NDUFV2: variants seen among roughly 807,000 people sequenced by gnomAD.
NDUFV2 encodes the protein NADH dehydrogenase [ubiquinone] flavoprotein 2, mitochondrial.
Under a neutral mutation model 31.6 loss-of-function variants are expected in NDUFV2, and 18 were observed. That is an observed-to-expected ratio of 0.57 (90% CI 0.39 to 0.84). The LOEUF (loss-of-function observed/expected upper bound fraction) is 0.84. NDUFV2 is among the 40% of genes least tolerant of loss of function. NDUFV2 has a pLI of 0.00. For synonymous variants in NDUFV2, 83 were observed against 99.8 expected, an observed-to-expected ratio of 0.83 and a Z score of 1.01; for missense variants, 314 against 303.6, an observed-to-expected ratio of 1.03 and a Z score of -0.26.
rs768223661 is a variant in NDUFV2 at position 9,122,626 on chromosome 18, A to C, written c.414A>C (p.Thr138=). 6.2e-7 allele frequency: 1 copy of C among 1,613,990 alleles called. No homozygotes were observed. ...GKYHIQVCTT[T]PCMLRNSDSI... is the part of the protein sequence containing the mutation. ...ATCACATTCAGGTCTGCACTACTAC[A>C]CCCTGCATGCTTCGAAACTCTGACA... Residue 138 remains threonine, a synonymous_variant, in exon 5 of 8, where the codon ACA becomes ACC. Transcript: ENST00000318388.
Position 9,109,546 on chromosome 18 carries a change from C to T in NDUFV2, c.54+6749C>T, listed in dbSNP as rs7228328. Among the ~76,000 whole-genome samples the T allele has an allele frequency of 6.3e-3, 953 of 152,274 alleles. 10 individuals are homozygous for T. The highest frequency in any genetic ancestry group is 0.022 in the African/African-American group (894 of 41,544). On this transcript the variant is annotated intron_variant, in intron 1 of 7. Coordinates refer to ENST00000318388, the MANE Select transcript of NDUFV2 (RefSeq NM_021074.5). Reference sequence around the variant, plus strand: ...CCCATGAAAAGACAATTAAGGAATCCTATTGGGGAGAATATAAAACTTTAA... The same window carrying T: ...CCCATGAAAAGACAATTAAGGAATCTTATTGGGGAGAATATAAAACTTTAA...
Position 9,126,814 on chromosome 18 carries a change from G to A in NDUFV2, c.580-17G>A. Reference sequence around the variant, plus strand: ...AGAAAGTAATTTAAATATGACTATTGTTAATTTTTTTTCCAGGAGGATTTG... The same window carrying A: ...AGAAAGTAATTTAAATATGACTATTATTAATTTTTTTTCCAGGAGGATTTG... On this transcript the variant is annotated splice_polypyrimidine_tract_variant and intron_variant, in intron 6 of 7. Coordinates refer to ENST00000318388, the MANE Select transcript of NDUFV2 (RefSeq NM_021074.5). 1 of 1,592,300 alleles carries A rather than the reference G, an allele frequency of 6.3e-7. No homozygotes were observed. Among genetic ancestry groups the A allele is most frequent in the East Asian group, 2.2e-5 (1 of 44,724 alleles).
chr18:9,132,951 G>A (rs1329414266), intron 7 of NDUFV2, among the ~76,000 whole-genome samples: 1 of 152,104 alleles, frequency 6.6e-6, no homozygotes, highest in African/African-American at 2.4e-5. Context: ...TCATTTTGCT[G>A]CTTACTCTAC....
intron 1 of NDUFV2, chr18:9,103,009 A>G (rs1156750857): frequency 3.9e-6 from 2 of 515,486 alleles, no homozygotes; most frequent in Non-Finnish European, 3.4e-6. Context: ...GTGTACTCCT[A>G]GTTTGGTCGA....
At chr18:9,118,795 C>T (rs1018521225) in intron 2 of NDUFV2, among the ~76,000 whole-genome samples, 2 of 136,124 alleles carry the variant, frequency 1.5e-5, no homozygotes, top group East Asian at 2.3e-4. Context: ...TTATGGAAAA[C>T]GTGGGAAAGA....
At chr18:9,130,292 T>G (rs1012409310) in intron 7 of NDUFV2, among the ~76,000 whole-genome samples, 1 of 152,208 alleles carries the variant, frequency 6.6e-6, no homozygotes, top group Non-Finnish European at 1.5e-5. Context: ...AAGTACTCAG[T>G]TAAGCATTTT....
chr18:9,132,764 A>G (rs1423114948), intron 7 of NDUFV2, among the ~76,000 whole-genome samples: 2 of 152,218 alleles, frequency 1.3e-5, no homozygotes, highest in Non-Finnish European at 1.5e-5. Flanking sequence ...AGTCCCAGCT[A>G]CGTGGGAGGC....
chr18:9,104,368 TGTTTTG>T, intron 1 of NDUFV2: 1 of 1,420,384 alleles, frequency 7.0e-7, no homozygotes. Flanking sequence ...ATGTGGTTTC[TGTTTTG>T]GATAGGTCAC....
chr18:9,129,085 G>A (rs147912888), intron 7 of NDUFV2, among the ~76,000 whole-genome samples: 2 of 152,064 alleles, frequency 1.3e-5, no homozygotes, highest in Non-Finnish European at 1.5e-5. Flanking sequence ...CTATAAGAAC[G>A]TGCCACCACC....
chr18:9,127,761 T>G (rs1453395167), intron 7 of NDUFV2, among the ~76,000 whole-genome samples: 1 of 152,202 alleles, frequency 6.6e-6, no homozygotes, highest in Admixed American at 6.5e-5. Context: ...CATGAGCCAC[T>G]GTGCCCGGCC....
chr18:9,110,358 A>G (rs1299243524), intron 1 of NDUFV2, among the ~76,000 whole-genome samples: 1 of 152,142 alleles, frequency 6.6e-6, no homozygotes, highest in Non-Finnish European at 1.5e-5. Flanking sequence ...ATATTCTTTA[A>G]ACACACCAAA....
chr18:9,107,340 C>G lies in NDUFV2; in HGVS notation c.54+4543C>G, dbSNP rs2077846975. ...GAACATTGAGTAATAAATTACAGGT[C>G]TGTTGCCCATGCTGTATAACCTATT... On this transcript the variant is annotated intron_variant, in intron 1 of 7. Coordinates refer to ENST00000318388, the MANE Select transcript of NDUFV2 (RefSeq NM_021074.5). Among the ~76,000 whole-genome samples the G allele has an allele frequency of 2.6e-5, 4 of 152,340 alleles. 1 individual carries two copies. The South Asian group carries it at 8.3e-4, about 32-fold the overall frequency.
intron 1 of NDUFV2, among the ~76,000 whole-genome samples, chr18:9,114,690 A>G (rs1034277524): frequency 1.4e-4 from 22 of 152,196 alleles, no homozygotes; most frequent in African/African-American, 5.1e-4. Flanking sequence ...GGCCTCAACA[A>G]CTACAAAAAA....
intron 7 of NDUFV2, chr18:9,133,614 C>G (rs1287235966): frequency 6.5e-6 from 1 of 153,098 alleles, no homozygotes; most frequent in Non-Finnish European, 1.5e-5. Context: ...GGACATTGTC[C>G]CAAATCATAT....
chr18:9,104,703 C>G (rs563839953), intron 1 of NDUFV2, among the ~76,000 whole-genome samples: 1 of 152,030 alleles, frequency 6.6e-6, no homozygotes, highest in African/African-American at 2.4e-5. Flanking sequence ...TCCGTCTCCC[C>G]TTCTCCCTCC....
At chr18:9,119,052 C>T (rs1272942718) in intron 2 of NDUFV2, among the ~76,000 whole-genome samples, 2 of 151,992 alleles carry the variant, frequency 1.3e-5, no homozygotes, top group African/African-American at 4.8e-5. Flanking sequence ...CTGGATAACA[C>T]TTTTTGTTGT....
At chr18:9,125,454 T>A (rs1026773521) in intron 6 of NDUFV2, among the ~76,000 whole-genome samples, 5 of 152,122 alleles carry the variant, frequency 3.3e-5, no homozygotes, top group East Asian at 1.9e-4. Context: ...TTTAAAAAAA[T>A]TTTATAGAGA....
intron 7 of NDUFV2, among the ~76,000 whole-genome samples, chr18:9,129,340 T>C (rs1053174127): frequency 1.3e-5 from 2 of 152,224 alleles, no homozygotes; most frequent in African/African-American, 2.4e-5. Context: ...AATTGATACC[T>C]GCTTTGTCTA....
intron 1 of NDUFV2, among the ~76,000 whole-genome samples, chr18:9,114,618 A>T (rs2077888871): frequency 6.6e-6 from 1 of 152,168 alleles, no homozygotes; most frequent in South Asian, 2.1e-4. Context: ...GCTTAAAAAA[A>T]AATTAAGTGA....
Sources: allele counts gnomAD v4.1 joint callset (sites outside exome capture counted in the v4.1 genomes callset), GRCh38; gene constraint gnomAD v4.1.1; transcripts MANE v1.5; gene names NCBI Gene and HGNC (gene_info 2026-07-23, HGNC 2026-07-21).